Variants in MGAM observed in about 807,000 individuals in gnomAD.
MGAM encodes the protein maltase-glucoamylase.
A neutral mutation model predicts 358.8 loss-of-function variants in MGAM; 253 were observed. That is an observed-to-expected ratio of 0.71 (90% CI 0.64 to 0.78). The LOEUF (loss-of-function observed/expected upper bound fraction) is 0.78. MGAM is among the 30% of genes least tolerant of loss of function. The pLI, the probability that MGAM is intolerant of heterozygous loss-of-function variation, is 0.00. For synonymous variants in MGAM, 1,105 were observed against 1,227.1 expected (o/e 0.90, Z 2.08); for missense variants, 3,080 against 3,432.6 (o/e 0.90, Z 2.57).
At chr7:142,041,966 T>TATTATATATATG (rs1563145065) in intron 21 of MGAM, among the ~76,000 whole-genome samples, 3 of 15,886 alleles carry the variant, frequency 1.9e-4, no homozygotes, top group African/African-American at 5.7e-4. Flanking sequence ...ATAATATATA[T>TATTATATATATG]ATATTATATA....
intron 68 of MGAM, 115 bp from the exon 69 acceptor site, chr7:142,102,515 A>G (rs1816523779): frequency 1.0e-6 from 1 of 956,392 alleles, no homozygotes; most frequent in Non-Finnish European, 1.5e-6. Context: ...AACAAAGATA[A>G]GCCTTACTCT....
At chr7:142,064,233 G>T in intron 36 of MGAM, 151 bp from the exon 37 acceptor site, 1 of 1,157,204 alleles carries the variant, frequency 8.6e-7, no homozygotes, top group South Asian at 1.5e-5. Context: ...GCTCAGAGCT[G>T]GGGGCGCTGT....
chr7:142,083,888 ATGG>A (rs1306250592), intron 53 of MGAM, among the ~76,000 whole-genome samples: 5 of 139,214 alleles, frequency 3.6e-5, no homozygotes, highest in East Asian at 2.1e-4. Flanking sequence ...TTTGATAGTG[ATGG>A]TGGTGGTGGC....
intron 10 of MGAM, among the ~76,000 whole-genome samples, chr7:142,028,786 C>G (rs1409381765): frequency 6.6e-6 from 1 of 151,718 alleles, no homozygotes; most frequent in Non-Finnish European, 1.5e-5. Context: ...ATGGGGGAAG[C>G]AGAAAGTCAG....
rs989417748 is a variant in MGAM, at chr7:142,070,486, T to C, written c.5062-508T>C. 6.0e-4 allele frequency among the ~76,000 whole-genome samples: 87 copies of C among 146,204 alleles called. 16 individuals carry two copies. The highest frequency in any genetic ancestry group is 7.7e-4 in the Non-Finnish European group (50 of 64,616). ...TAGCAGCTCTGAAATGAGAGGATTT[T>C]GCCTACCAGGGGACATTTGGCAATG... is the stretch of plus-strand genomic sequence containing the variant. On this transcript the variant is annotated intron_variant, in intron 43 of 70. Transcript: ENST00000475668.
chr7:142,045,324 A>T (rs1176650621), intron 21 of MGAM, among the ~76,000 whole-genome samples: 1 of 109,784 alleles, frequency 9.1e-6, no homozygotes, highest in Non-Finnish European at 1.7e-5. Flanking sequence ...ATAATATATG[A>T]TATATAATAT....
In MGAM at chr7:142,031,691, A is replaced by G. The variant is rs1396119668; in HGVS notation, c.1482A>G (p.Gly494=). Residue 494 remains glycine (G), a synonymous_variant, in exon 13 of 71, where the codon GGA becomes GGG. Coordinates refer to ENST00000475668, the MANE Select transcript of MGAM (RefSeq NM_001365693.1). ...VTPLIGEVWP[G]QTVFPDYTNP... Reference sequence around the variant, plus strand: ...TTTTTCTCCTGAAGGTCTGGCCTGGACAAACTGTGTTTCCTGATTATACCA... The same window carrying G: ...TTTTTCTCCTGAAGGTCTGGCCTGGGCAAACTGTGTTTCCTGATTATACCA... The G allele has an allele frequency of 6.2e-7, 1 of 1,611,428 alleles. No homozygotes were observed. The highest frequency in any genetic ancestry group is 1.3e-5 in the African/African-American group (1 of 74,818).
chr7:142,095,907 A>T, intron 64 of MGAM, 194 bp downstream of exon 64: 1 of 901,126 alleles, frequency 1.1e-6, no homozygotes. Flanking sequence ...TATTGATTGA[A>T]TGAGCAAAAC....
intron 68 of MGAM, among the ~76,000 whole-genome samples, chr7:142,102,064 A>G (rs924667922): frequency 2.6e-5 from 4 of 152,138 alleles, no homozygotes; most frequent in African/African-American, 9.6e-5. Context: ...GCTGTGCTGA[A>G]CTTCATATTC....
At position 142,051,152 on chromosome 7, in the gene MGAM, T is replaced by C. The variant is rs1810913323; in HGVS notation, c.2805+288T>C. ...TGATGAGACCCAGGAACAGCAAAGT[T>C]GGAAAGTGGGGAATAGCCTGACATT... On this transcript the variant is annotated intron_variant, in intron 24 of 70. Coordinates refer to ENST00000475668, the MANE Select transcript of MGAM (RefSeq NM_001365693.1). Among the ~76,000 whole-genome samples the C allele has an allele frequency of 2.6e-5, 4 of 152,258 alleles. No homozygotes were observed. The South Asian group carries it at 6.2e-4, about 24-fold the overall frequency.
chr7:142,056,346 T>C (rs1332881722), intron 29 of MGAM, among the ~76,000 whole-genome samples: 2 of 152,196 alleles, frequency 1.3e-5, no homozygotes, highest in African/African-American at 4.8e-5. Context: ...GGGTCCCAAA[T>C]ATCCTGGAGG....
In MGAM at chr7:142,104,288, C is replaced by T. The variant is rs796476638; in HGVS notation, c.8184+849C>T. Among the ~76,000 whole-genome samples the T allele has an allele frequency of 4.6e-5, 7 of 152,164 alleles. 1 individual carries two copies. Among genetic ancestry groups the T allele is most frequent in the East Asian group, 3.9e-4 (2 of 5,192 alleles). On this transcript the variant is annotated intron_variant, in intron 70 of 70. Transcript: ENST00000475668. The stretch of plus-strand genomic sequence containing the variant: ...AGATACATTGATGATTCTGCCTCAA[C>T]GTAATTTAAAAGAGGTAGACCCTAA...
At position 142,086,271 on chromosome 7, in the gene MGAM, C is replaced by T. The variant is rs781071581; in HGVS notation, c.6690C>T (p.Gly2230=). 124 of 1,544,360 alleles carry T rather than the reference C, an allele frequency of 8.0e-5. 13 individuals are homozygous for T. The Middle Eastern group carries it at 1.3e-3, about 17-fold the overall frequency. The change falls in exon 56 of 71, where the codon GGC becomes GGT. Residue 2230 remains glycine, a synonymous_variant. Coordinates refer to ENST00000475668, the MANE Select transcript of MGAM (RefSeq NM_001365693.1). ...AGCCCTATCCTGCCTTCACTCGGGG[C>T]GTGGAGGATGACGTCTTCATCAAGT... is the stretch of plus-strand genomic sequence containing the variant. ...ETQPYPAFTR[G]VEDDVFIKYP...
chr7:142,029,700 T>C (rs559600044), intron 10 of MGAM, among the ~76,000 whole-genome samples: 7 of 152,288 alleles, frequency 4.6e-5, no homozygotes, highest in Non-Finnish European at 7.4e-5. Flanking sequence ...GTACTTTGAA[T>C]GGCTAAGTTT....
chr7:142,088,996 G>GTATGTATGTATGTATCTATCTATC (rs771119657), intron 57 of MGAM, among the ~76,000 whole-genome samples: 17 of 117,970 alleles, frequency 1.4e-4, no homozygotes, highest in South Asian at 1.3e-3. Context: ...ATGTATGTAT[G>GTATGTATGTATGTATCTATCTATC]TATCTATCTA....
intron 3 of MGAM, among the ~76,000 whole-genome samples, chr7:142,013,329 G>GA (rs1805739297): frequency 6.6e-6 from 1 of 152,076 alleles, no homozygotes; most frequent in Non-Finnish European, 1.5e-5. Context: ...GGAAATGGTT[G>GA]ATGCCACTGA....
intron 57 of MGAM, among the ~76,000 whole-genome samples, chr7:142,090,936 G>C (rs538003025): frequency 3.4e-5 from 5 of 146,256 alleles, no homozygotes; most frequent in African/African-American, 1.2e-4. Flanking sequence ...GCTCTCAAAA[G>C]TCTACAATGT....
At position 142,070,738 on chromosome 7, in the gene MGAM, T is replaced by C. The variant is rs1033006224; in HGVS notation, c.5062-256T>C. Among the ~76,000 whole-genome samples the C allele has an allele frequency of 3.4e-5, 5 of 146,282 alleles. 1 individual carries two copies. Among genetic ancestry groups the C allele is most frequent in the Non-Finnish European group, 6.2e-5 (4 of 64,546 alleles). On this transcript the variant is annotated intron_variant, in intron 43 of 70. Transcript: ENST00000475668. ...TCTGATACAGGTGAGAGTGTAGCAG[T>C]TCTTCCTGTTACACATCAGGCAAAT...
At chr7:142,084,015 G>A (rs931460031) in intron 53 of MGAM, among the ~76,000 whole-genome samples, 4 of 145,812 alleles carry the variant, frequency 2.7e-5, no homozygotes, top group African/African-American at 9.8e-5. Flanking sequence ...TGTGGCAGCA[G>A]CAGCAAACAC....
Sources: allele counts gnomAD v4.1 joint callset (sites outside exome capture counted in the v4.1 genomes callset), GRCh38; gene constraint gnomAD v4.1.1; transcripts MANE v1.5; gene names NCBI Gene and HGNC (gene_info 2026-07-23, HGNC 2026-07-21).